Variants in NCOR2 observed in about 807,000 individuals in gnomAD.
The protein encoded by NCOR2 is nuclear receptor corepressor 2, also known as CTG repeat protein 26.
A neutral mutation model predicts 262.9 loss-of-function variants in NCOR2; 81 were observed. That is an observed-to-expected ratio of 0.31 (90% confidence interval 0.26 to 0.37). The LOEUF (loss-of-function observed/expected upper bound fraction) is 0.37, where lower values mean the gene tolerates loss of function less well. NCOR2 is among the 10% of genes least tolerant of loss of function. The probability of loss-of-function intolerance (pLI) is 1.00; values close to 1 mark genes in which losing one functional copy is unlikely to be tolerated. For synonymous variants in NCOR2, 1,659 were observed against 1,559.3 expected (o/e 1.06, Z -1.51); for missense variants, 3,385 against 3,621.4 (o/e 0.93, Z 1.68).
At chr12:124,487,873 TAAAAAAAAA>T (rs3040836) in intron 1 of NCOR2, among the ~76,000 whole-genome samples, 3 of 137,646 alleles carry the variant, frequency 2.2e-5, no homozygotes, top group East Asian at 2.1e-4. Context: ...AAACTGTGTT[TAAAAAAAAA>T]AAAAAAAAAA....
exon 47 of NCOR2, chr12:124,324,621 C>T (rs1027981330): frequency 2.0e-5 from 3 of 152,444 alleles, no homozygotes; most frequent in Non-Finnish European, 4.4e-5. Context: ...CTGCACACGC[C>T]TCTTGAACGG....
rs902208158 is a variant in NCOR2, at chr12:124,464,240, T to C, written c.705+1933A>G. ...ACTTCAGCAAAGAGGGAAGTGACAG[T>C]ATGAGCCTTGCAAGGAGAGGAGCTC... is the stretch of plus-strand genomic sequence containing the variant. On this transcript the variant is annotated intron_variant, in intron 5 of 46. Coordinates refer to ENST00000405201, the Ensembl canonical transcript of NCOR2. Among the ~76,000 whole-genome samples, 3 of 152,218 alleles carry C rather than the reference T, an allele frequency of 2.0e-5. 1 individual carries two copies. In the Middle Eastern group the frequency reaches 0.01, roughly 518 times the overall value.
intron 1 of NCOR2, among the ~76,000 whole-genome samples, chr12:124,490,494 T>A (rs1204526916): frequency 6.6e-6 from 1 of 151,826 alleles, no homozygotes. Flanking sequence ...AATGAATGAA[T>A]GAATCTTCCC....
chr12:124,387,219 C>T (rs1298666335), intron 16 of NCOR2, among the ~76,000 whole-genome samples: 1 of 151,960 alleles, frequency 6.6e-6, no homozygotes, highest in South Asian at 2.1e-4. Context: ...TTCATTCATT[C>T]ATTCATTCAT....
rs1235609836 is a variant in NCOR2, at chr12:124,548,002, G to T, written c.-164-12391C>A. Among the ~76,000 whole-genome samples the T allele has an allele frequency of 2.0e-5, 3 of 152,026 alleles. No individual in the cohort carries two copies. Among genetic ancestry groups the T allele is most frequent in the Non-Finnish European group, 4.4e-5 (3 of 68,018 alleles). Reference sequence around the variant, plus strand: ...TGAGATATAATTCTAAAACTTGTAAGGTTATAAAATAACCATAAGAACTAT... The same window carrying T: ...TGAGATATAATTCTAAAACTTGTAATGTTATAAAATAACCATAAGAACTAT... On this transcript the variant is annotated intron_variant, in intron 1 of 32. Coordinates refer to the NCOR2 transcript ENST00000458234. This position sits in a 1 kb window ranked among gnomAD's most constrained non-coding sequence, Gnocchi z 5.1.
intron 1 of NCOR2, among the ~76,000 whole-genome samples, chr12:124,510,300 G>A (rs2049321423): frequency 6.6e-6 from 1 of 152,198 alleles, no homozygotes; most frequent in African/African-American, 2.4e-5. Context: ...GAAGACTGAG[G>A]CTATTTGCAC....
chr12:124,426,938 T>A, intron 10 of NCOR2, 138 bp from the exon 13 acceptor site: 1 of 729,412 alleles, frequency 1.4e-6, no homozygotes, highest in Non-Finnish European at 2.1e-6. Flanking sequence ...AGAAGGAGAA[T>A]GATGAGTTTA....
At chr12:124,358,211 T>C (rs934051480) in intron 22 of NCOR2, among the ~76,000 whole-genome samples, 16 of 150,494 alleles carry the variant, frequency 1.1e-4, no homozygotes, top group African/African-American at 3.4e-4. Context: ...CGCGTGCATG[T>C]GCATGTGTGT....
intron 22 of NCOR2, among the ~76,000 whole-genome samples, chr12:124,359,495 A>G (rs2038336493): frequency 1.3e-5 from 2 of 152,240 alleles, no homozygotes; most frequent in Non-Finnish European, 2.9e-5. Context: ...TGGGCAGCCC[A>G]CAGGAGGCAG....
rs188397020 is a variant in NCOR2, at chr12:124,330,550, C to T, written c.6958+295G>A. On this transcript the variant is annotated intron_variant, in intron 44 of 46. Transcript: ENST00000405201. ...CATGTGCATCTCCAGCTGAGGCTGG[C>T]GAAGAAGCAAGGTGAGTTTCCAGCT... Among the ~76,000 whole-genome samples the T allele has an allele frequency of 2.0e-4, 31 of 152,316 alleles. 1 individual carries two copies. Among genetic ancestry groups the T allele is most frequent in the East Asian group, 5.8e-4 (3 of 5,184 alleles).
At chr12:124,553,094 G>T (rs956646991) in intron 1 of NCOR2, among the ~76,000 whole-genome samples, 1 of 152,222 alleles carries the variant, frequency 6.6e-6, no homozygotes, top group African/African-American at 2.4e-5. Flanking sequence ...GACTCTAGGG[G>T]AGAACCTGTC....
chr12:124,493,647 G>C (rs971077652), intron 1 of NCOR2, among the ~76,000 whole-genome samples: 3 of 152,206 alleles, frequency 2.0e-5, no homozygotes, highest in African/African-American at 7.2e-5. Flanking sequence ...TCAGGGCTTT[G>C]AACAACATTT....
At chr12:124,470,593 G>A (rs187712967) in intron 4 of NCOR2, among the ~76,000 whole-genome samples, 25 of 152,320 alleles carry the variant, frequency 1.6e-4, no homozygotes, top group African/African-American at 5.3e-4. Context: ...CAGAAAGGAC[G>A]CATACTGTGT....
At chr12:124,501,805 G>A (rs1042432931) in intron 1 of NCOR2, among the ~76,000 whole-genome samples, 10 of 152,216 alleles carry the variant, frequency 6.6e-5, no homozygotes, top group African/African-American at 2.4e-4. Context: ...ACTTCAGGAG[G>A]TGCTCCAGAA....
intron 2 of NCOR2, among the ~76,000 whole-genome samples, chr12:124,485,563 G>A (rs865787901): frequency 5.3e-5 from 8 of 152,344 alleles, no homozygotes; most frequent in East Asian, 1.9e-4. Context: ...TTTGTGGCAC[G>A]TTGCGACGGC....
At chr12:124,401,752 G>A (rs2041998330) in intron 14 of NCOR2, among the ~76,000 whole-genome samples, 1 of 152,230 alleles carries the variant, frequency 6.6e-6, no homozygotes, top group South Asian at 2.1e-4. Flanking sequence ...TCATCTTCCT[G>A]AAAGGCCCTT....
rs759786656 is a variant in NCOR2, at chr12:124,334,402, G to C, written c.6605+22C>G. 14 of 1,516,094 alleles carry C rather than the reference G, an allele frequency of 9.2e-6. No individual in the cohort carries two copies. In the South Asian group the frequency reaches 1.7e-4, roughly 19 times the overall value. The allele number at this position is 1,516,094 out of a possible 1,614,324, so 93.9% of individuals were successfully genotyped here. A position where few individuals can be genotyped will look rare whatever the true frequency, so the allele number is the denominator to read the frequency against. ...GCCTCCCGCCGGCTGACCAGCAAGA[G>C]GCACCCCCATCCCTCGCTCACCTCT... is the stretch of plus-strand genomic sequence containing the variant. On this transcript the variant is annotated intron_variant, in intron 41 of 46. Transcript: ENST00000405201.
chr12:124,326,158 G>A, intron 46 of NCOR2, 33 bp downstream of exon 48: 1 of 1,458,990 alleles, frequency 6.9e-7, no homozygotes, highest in Non-Finnish European at 9.0e-7. Flanking sequence ...TGGGGGCTCA[G>A]CGAGCCCAGC....
intron 23 of NCOR2, 131 bp downstream of exon 25, chr12:124,356,511 C>G: frequency 1.2e-6 from 1 of 827,008 alleles, no homozygotes. Flanking sequence ...CTCCACTGAC[C>G]AGGCTGTTCC....
Sources: allele counts gnomAD v4.1 joint callset (sites outside exome capture counted in the v4.1 genomes callset), GRCh38; gene constraint gnomAD v4.1.1; non-coding constraint Gnocchi (gnomAD v3.1); transcripts MANE v1.5; gene names NCBI Gene and HGNC (gene_info 2026-07-23, HGNC 2026-07-21).